The following CACNA1C variants were observed in gnomAD, a reference collection of about 807,000 sequenced individuals.
The protein encoded by CACNA1C is calcium voltage-gated channel subunit alpha1 C.
A neutral mutation model predicts 229.0 loss-of-function variants in CACNA1C; 30 were observed. The observed-to-expected ratio is 0.13, with a 90% CI of 0.10 to 0.18. CACNA1C has a LOEUF of 0.18. Among genes scored for constraint, CACNA1C ranks in the 10% least tolerant of loss-of-function variants. The probability of loss-of-function intolerance (pLI) is 1.00; values close to 1 mark genes in which losing one functional copy is unlikely to be tolerated. For synonymous variants in CACNA1C, 1,114 were observed against 1,132.5 expected (o/e 0.98, Z 0.33); for missense variants, 1,658 against 2,845.0 (o/e 0.58, Z 9.49).
intron 3 of CACNA1C, among the ~76,000 whole-genome samples, chr12:2,273,559 C>T (rs2086151110): frequency 6.6e-6 from 1 of 152,158 alleles, no homozygotes; most frequent in Non-Finnish European, 1.5e-5. Flanking sequence ...TGGAGACATG[C>T]TGCTGGTTTT....
At chr12:2,624,787 C>T (rs369371579) in intron 29 of CACNA1C, among the ~76,000 whole-genome samples, 1 of 152,208 alleles carries the variant, frequency 6.6e-6, no homozygotes, top group Non-Finnish European at 1.5e-5. Context: ...TAGATGAAAC[C>T]TGTTTATCCA....
At chr12:2,470,988 C>T (rs1337193765) in intron 5 of CACNA1C, among the ~76,000 whole-genome samples, 3 of 152,160 alleles carry the variant, frequency 2.0e-5, no homozygotes, top group Non-Finnish European at 2.9e-5. Flanking sequence ...TGTGCCACCA[C>T]GCCTGGCTAA....
intron 3 of CACNA1C, among the ~76,000 whole-genome samples, chr12:2,149,723 T>G (rs1218819586): frequency 6.6e-6 from 1 of 152,104 alleles, no homozygotes; most frequent in Non-Finnish European, 1.5e-5. Flanking sequence ...GACCCAAATT[T>G]AAGAGAGCCA....
At chr12:2,499,312 C>T (rs2099753658) in intron 7 of CACNA1C, among the ~76,000 whole-genome samples, 1 of 152,174 alleles carries the variant, frequency 6.6e-6, no homozygotes, top group Non-Finnish European at 1.5e-5. Context: ...CACCTCCTGC[C>T]TTTCGATGGC....
intron 1 of CACNA1C, chr12:1,997,896 T>G: frequency 6.6e-7 from 1 of 1,521,626 alleles, no homozygotes; most frequent in Non-Finnish European, 9.0e-7. Context: ...AAATATTATT[T>G]TGAAGATTAG....
At chr12:2,312,270 A>C (rs970905692) in intron 3 of CACNA1C, among the ~76,000 whole-genome samples, 5 of 152,132 alleles carry the variant, frequency 3.3e-5, no homozygotes, top group African/African-American at 1.2e-4. Context: ...GAGGCTACCT[A>C]CTTACCCTCT....
intron 3 of CACNA1C, among the ~76,000 whole-genome samples, chr12:2,169,334 A>G (rs1049067870): frequency 6.6e-6 from 1 of 152,136 alleles, no homozygotes; most frequent in South Asian, 2.1e-4. Context: ...ATGGCTCTCA[A>G]ATTTTTCTCT....
At chr12:2,681,484 C>T (rs1044091041) in intron 42 of CACNA1C, among the ~76,000 whole-genome samples, 1 of 152,200 alleles carries the variant, frequency 6.6e-6, no homozygotes, top group Non-Finnish European at 1.5e-5. Context: ...AACGGCAGCT[C>T]TAGTGCCAGC....
intron 5 of CACNA1C, among the ~76,000 whole-genome samples, chr12:2,471,622 C>G (rs1222673177): frequency 1.3e-5 from 2 of 151,682 alleles, no homozygotes; most frequent in Non-Finnish European, 2.9e-5. Context: ...TTTTTTCTTT[C>G]AGAACTTTAA....
At chr12:2,546,700 ATTC>A (rs746953725) in intron 9 of CACNA1C, among the ~76,000 whole-genome samples, 1 of 152,224 alleles carries the variant, frequency 6.6e-6, no homozygotes, top group East Asian at 1.9e-4. Flanking sequence ...AGCTCACAGA[ATTC>A]TTCTTCCTTA....
At chr12:2,003,904 C>G (rs1406362030) in intron 1 of CACNA1C, among the ~76,000 whole-genome samples, 1 of 152,170 alleles carries the variant, frequency 6.6e-6, no homozygotes, top group African/African-American at 2.4e-5. Flanking sequence ...CTGTCCCTGC[C>G]TCCCCCATAG....
intron 3 of CACNA1C, among the ~76,000 whole-genome samples, chr12:2,288,377 C>T (rs1008238021): frequency 2.0e-5 from 3 of 152,170 alleles, no homozygotes; most frequent in African/African-American, 7.2e-5. Flanking sequence ...ACCAATCAAC[C>T]AGCTGGCCTT....
intron 3 of CACNA1C, among the ~76,000 whole-genome samples, chr12:2,128,377 G>T (rs2090984640): frequency 6.6e-6 from 1 of 152,166 alleles, no homozygotes; most frequent in African/African-American, 2.4e-5. Flanking sequence ...AATAAATTCA[G>T]TAAGTACCAA....
Position 2,611,956 on chromosome 12 carries a change from C to T in CACNA1C, c.3771C>T (p.Leu1257=), listed in dbSNP as rs748719133. ...FKIAMNILNM[L]FTGLFTVEMI... ...TCGCCATGAACATCCTCAACATGCT[C>T]TTCACTGGCCTCTTCACCGTGGAGA... is the stretch of plus-strand genomic sequence containing the variant. The change falls in exon 29 of 47, where the codon CTC becomes CTT. Residue 1257 remains leucine (L), a synonymous_variant. Coordinates refer to ENST00000399655, the MANE Select transcript of CACNA1C (RefSeq NM_000719.7). 6.2e-7 allele frequency: 1 copy of T among 1,613,842 alleles called. No individual in the cohort carries two copies. Among genetic ancestry groups the T allele is most frequent in the African/African-American group, 1.3e-5 (1 of 75,030 alleles).
chr12:2,315,796 G>A (rs1007985705), intron 3 of CACNA1C, among the ~76,000 whole-genome samples: 1 of 152,214 alleles, frequency 6.6e-6, no homozygotes. Context: ...ATACAATTAA[G>A]AGTTTTGCTG....
At chr12:2,386,308 C>T (rs147350584) in intron 3 of CACNA1C, among the ~76,000 whole-genome samples, 5 of 152,240 alleles carry the variant, frequency 3.3e-5, no homozygotes, top group East Asian at 3.9e-4. Context: ...AAAGCTCCTC[C>T]GGTTGATTCT....
chr12:2,282,638 C>T (rs1415826850), intron 3 of CACNA1C, among the ~76,000 whole-genome samples: 1 of 152,200 alleles, frequency 6.6e-6, no homozygotes, highest in Non-Finnish European at 1.5e-5. Flanking sequence ...AGGTACAGCG[C>T]ACCCGCCTCC....
chr12:2,303,944 T>A (rs1472654400), intron 3 of CACNA1C, among the ~76,000 whole-genome samples: 7 of 152,188 alleles, frequency 4.6e-5, no homozygotes, highest in Non-Finnish European at 8.8e-5. Context: ...TATCTGCACA[T>A]GGTGAGCGCT....
intron 29 of CACNA1C, among the ~76,000 whole-genome samples, chr12:2,629,307 C>T (rs2370603): frequency 0.92 from 139,453 of 152,016 alleles, 64,016 homozygotes; most frequent in East Asian, 0.99. Flanking sequence ...TCATCCCATC[C>T]CTTTTCCCAC....
Sources: gnomAD v4.1 joint callset for allele counts (sites outside exome capture counted in the v4.1 genomes callset) on GRCh38, gnomAD v4.1.1 for gene constraint, MANE v1.5 for transcripts, NCBI Gene and HGNC (gene_info 2026-07-23, HGNC 2026-07-21) for gene names.